IQCK: variants seen among roughly 807,000 people sequenced by gnomAD.
IQCK encodes IQ domain-containing protein K.
In IQCK, 29 loss-of-function variants were observed where a neutral mutation model predicts 28.1. The ratio of observed to expected loss-of-function variants is 1.03; its 90% CI spans 0.77 to 1.41. IQCK has a LOEUF of 1.41. Among genes scored for constraint, IQCK ranks in the 40% most tolerant of loss-of-function variants. The pLI, the probability that IQCK is intolerant of heterozygous loss-of-function variation, is 0.00. For missense variants in IQCK, 359 were observed against 314.7 expected (o/e 1.14, Z -1.07); for synonymous variants, 113 against 115.1 (o/e 0.98, Z 0.12).
intron 2 of IQCK, among the ~76,000 whole-genome samples, chr16:19,731,555 C>T (rs931143722): frequency 3.3e-5 from 5 of 152,194 alleles, no homozygotes; most frequent in Non-Finnish European, 7.3e-5. Context: ...ATTCTCTGTG[C>T]TTCTTCCAGG....
rs192735287 is a variant in IQCK, at chr16:19,763,771, G to A, written c.475-77G>A. The A allele has an allele frequency of 2.4e-3, 2,659 of 1,130,682 alleles. 35 individuals carry two copies. Among genetic ancestry groups the A allele is most frequent in the Non-Finnish European group, 6.4e-4 (479 of 746,520 alleles). The allele number at this position is 1,130,682 out of a possible 1,614,324, so 70.0% of individuals were successfully genotyped here. On this transcript the variant is annotated intron_variant, in intron 4 of 7. Transcript: ENST00000564186. ...GTTAAGCTTTATTGAAAAAAGTCAT[G>A]TATAAGTAGACCTGTGCAGTTCAAA...
chr16:19,727,265 C>A, intron 1 of IQCK, among the ~76,000 whole-genome samples: 1 of 152,070 alleles, frequency 6.6e-6, no homozygotes, highest in East Asian at 1.9e-4. Flanking sequence ...GCACTTTGAC[C>A]TAGCCTGGGA....
Position 19,804,182 on chromosome 16 carries a change from C to T in IQCK, c.690+15260C>T, listed in dbSNP as rs183849990. Among the ~76,000 whole-genome samples, 366 of 151,618 alleles carry T rather than the reference C, an allele frequency of 2.4e-3. 2 individuals carry two copies. The highest frequency in any genetic ancestry group is 8.3e-3 in the African/African-American group (342 of 41,286). ...TGGCCAATATGGTGAAACCCTGTCT[C>T]TACTAAAAATACAAAAAAAAAATTA... On this transcript the variant is annotated intron_variant, in intron 7 of 7. Transcript: ENST00000564186.
intron 4 of IQCK, among the ~76,000 whole-genome samples, chr16:19,744,119 G>C (rs1425218003): frequency 6.6e-6 from 1 of 152,044 alleles, no homozygotes; most frequent in Non-Finnish European, 1.5e-5. Flanking sequence ...TTCCCCAAAA[G>C]CTATGCAAGC....
At chr16:19,856,520 C>T (rs935136550) in exon 10 of IQCK, 3 of 1,613,804 alleles carry the variant, frequency 1.9e-6, no homozygotes, top group African/African-American at 2.7e-5. Flanking sequence ...GCAGTACCTG[C>T]AGCCAAGATG....
chr16:19,822,383 C>CT (rs1334085515), intron 7 of IQCK, among the ~76,000 whole-genome samples: 1 of 95,056 alleles, frequency 1.1e-5, no homozygotes, highest in African/African-American at 4.5e-5. Context: ...GAGACTCTGT[C>CT]TCAAAAAAAA....
intron 1 of IQCK, among the ~76,000 whole-genome samples, chr16:19,727,591 C>G (rs372830238): frequency 1.3e-5 from 2 of 150,102 alleles, no homozygotes; most frequent in Non-Finnish European, 3.0e-5. Context: ...TGTCACCCCC[C>G]CCCCCCAAAA....
At chr16:19,850,148 G>A (rs2056464906) in intron 9 of IQCK, among the ~76,000 whole-genome samples, 1 of 152,122 alleles carries the variant, frequency 6.6e-6, no homozygotes, top group Admixed American at 6.5e-5. Context: ...TGTTTATGTG[G>A]TAGAGGATGC....
chr16:19,838,880 A>G (rs918335361), intron 9 of IQCK, among the ~76,000 whole-genome samples: 1 of 151,760 alleles, frequency 6.6e-6, no homozygotes, highest in African/African-American at 2.4e-5. Flanking sequence ...TTAGCCAGGC[A>G]TGATGGCAGG....
chr16:19,743,967 TGTGTG>T (rs1395547066), intron 4 of IQCK, among the ~76,000 whole-genome samples: 1 of 152,096 alleles, frequency 6.6e-6, no homozygotes, highest in Non-Finnish European at 1.5e-5. Context: ...ACACATCTAT[TGTGTG>T]GTGTGTGGTG....
chr16:19,766,691 G>GTGA (rs199776712), intron 6 of IQCK, among the ~76,000 whole-genome samples: 3,509 of 152,290 alleles, frequency 0.023, 115 homozygotes, highest in African/African-American at 0.08. Flanking sequence ...GATGCCAGTA[G>GTGA]CACCCTCCTA....
rs543303144 is a variant in IQCK at position 19,728,210 on chromosome 16, G to T, written c.182-2220G>T. On this transcript the variant is annotated intron_variant, in intron 1 of 7. Transcript: ENST00000564186. ...GAGGGACCCCAGCTGACAACCACAAGATAGCAAGGACCTCAGACCTCAACC... is the reference window on the plus strand; with the variant it reads ...GAGGGACCCCAGCTGACAACCACAATATAGCAAGGACCTCAGACCTCAACC... 3.3e-5 allele frequency among the ~76,000 whole-genome samples: 5 copies of T among 152,088 alleles called. No homozygotes were observed. In the South Asian group the frequency reaches 1.0e-3, roughly 32 times the overall value.
intron 4 of IQCK, among the ~76,000 whole-genome samples, chr16:19,760,827 G>T (rs143422608): frequency 3.3e-5 from 5 of 152,310 alleles, no homozygotes; most frequent in African/African-American, 1.2e-4. Context: ...AAACAGAGCA[G>T]CCCCGAGGGC....
intron 3 of IQCK, 145 bp downstream of exon 3, chr16:19,733,972 G>A: frequency 1.4e-6 from 1 of 699,988 alleles, no homozygotes; most frequent in Non-Finnish European, 2.3e-6. Flanking sequence ...TAAGAGACAT[G>A]TCCTTTATTT....
intron 9 of IQCK, among the ~76,000 whole-genome samples, chr16:19,838,883 A>G (rs929679641): frequency 4.0e-5 from 6 of 151,474 alleles, no homozygotes; most frequent in African/African-American, 1.5e-4. Flanking sequence ...GCCAGGCATG[A>G]TGGCAGGTGC....
intron 2 of IQCK, 63 bp downstream of exon 2, chr16:19,730,557 C>A: frequency 1.6e-6 from 2 of 1,276,678 alleles, no homozygotes; most frequent in Non-Finnish European, 2.2e-6. Context: ...CATTGATGGC[C>A]TGTGAATGTC....
At chr16:19,779,024 C>G in intron 6 of IQCK, among the ~76,000 whole-genome samples, 1 of 152,104 alleles carries the variant, frequency 6.6e-6, no homozygotes, top group East Asian at 1.9e-4. Context: ...ACTCTGTTGC[C>G]CAGGCTGGAG....
intron 7 of IQCK, among the ~76,000 whole-genome samples, chr16:19,811,891 A>G (rs1050754001): frequency 3.3e-5 from 5 of 152,054 alleles, no homozygotes; most frequent in African/African-American, 1.2e-4. Context: ...CACATACTCA[A>G]TCAGTACCTA....
At position 19,835,606 on chromosome 16, in the gene IQCK, A is replaced by G. The variant is rs544125229; in HGVS notation, c.802+8469A>G. Among the ~76,000 whole-genome samples the G allele has an allele frequency of 2.8e-4, 39 of 140,104 alleles. 1 individual carries two copies. The East Asian group carries it at 3.7e-3, about 13-fold the overall frequency. 91.9% of individuals were successfully genotyped at this position (140,104 alleles called of 152,430 possible). A position where few individuals can be genotyped will look rare whatever the true frequency, so the allele number is the denominator to read the frequency against. ...TCTTTTCTTTTTTTTTTTTTTTGAG[A>G]CAGAGTCTTGCTCTGTCGCCCAGAC... On this transcript the variant is annotated intron_variant, in intron 9 of 9. Transcript: ENST00000320394.
Sources: gnomAD v4.1 joint callset for allele counts (sites outside exome capture counted in the v4.1 genomes callset) on GRCh38, gnomAD v4.1.1 for gene constraint, MANE v1.5 for transcripts, NCBI Gene and HGNC (gene_info 2026-07-23, HGNC 2026-07-21) for gene names.